PLA2G7: variants seen among roughly 807,000 people sequenced by gnomAD.
PLA2G7 encodes platelet-activating factor acetylhydrolase.
In PLA2G7, 63 loss-of-function variants were observed where a neutral mutation model predicts 49.6. That is an observed-to-expected ratio of 1.27 (90% CI 1.04 to 1.57). The LOEUF (loss-of-function observed/expected upper bound fraction) is 1.57, where lower values mean the gene tolerates loss of function less well. Ranked by LOEUF, PLA2G7 falls within the 40% of genes most tolerant of loss-of-function variation. PLA2G7 has a pLI of 0.00. For synonymous variants in PLA2G7, 193 were observed against 169.9 expected, an observed-to-expected ratio of 1.14 and a Z score of -1.06; for missense variants, 596 against 521.2, an observed-to-expected ratio of 1.14 and a Z score of -1.40.
chr6:46,707,449 T>C (rs770276096), intron 10 of PLA2G7, among the ~76,000 whole-genome samples: 16 of 152,162 alleles, frequency 1.1e-4, no homozygotes, highest in Non-Finnish European at 1.3e-4. Context: ...TGGGAGGTGA[T>C]TGGATCATGG....
intron 1 of PLA2G7, among the ~76,000 whole-genome samples, chr6:46,730,765 G>A (rs761330496): frequency 6.6e-6 from 1 of 152,292 alleles, no homozygotes; most frequent in Middle Eastern, 3.4e-3. Flanking sequence ...CAAAACGTGA[G>A]TGAAACAAAT....
At chr6:46,707,452 G>T (rs1764864809) in intron 10 of PLA2G7, among the ~76,000 whole-genome samples, 1 of 152,160 alleles carries the variant, frequency 6.6e-6, no homozygotes, top group Non-Finnish European at 1.5e-5. Context: ...GAGGTGATTG[G>T]ATCATGGGAG....
At chr6:46,706,596 G>A (rs1343582861) in intron 10 of PLA2G7, among the ~76,000 whole-genome samples, 1 of 152,216 alleles carries the variant, frequency 6.6e-6, no homozygotes, top group Non-Finnish European at 1.5e-5. Flanking sequence ...TAGTGTCTTT[G>A]TTTTGGCATG....
At position 46,735,183 on chromosome 6, in the gene PLA2G7, G is replaced by A. The variant is rs1445621521; in HGVS notation, c.-38C>T. 1 of 151,542 alleles carries A rather than the reference G, an allele frequency of 6.6e-6. No individual in the cohort carries two copies. Among genetic ancestry groups the A allele is most frequent in the East Asian group, 2.0e-4 (1 of 5,062 alleles). 9.4% of individuals were successfully genotyped at this position (151,542 alleles called of 1,614,324 possible). ...CGCCCCCGGGGCCCCTCCTCACTCAGGCGCGGCGCGGAGCTGCTCGCGGGA... is the reference window on the plus strand; with the variant it reads ...CGCCCCCGGGGCCCCTCCTCACTCAAGCGCGGCGCGGAGCTGCTCGCGGGA... On this transcript the variant is annotated 5_prime_UTR_variant, in exon 1 of 12. Transcript: ENST00000274793.
intron 1 of PLA2G7, among the ~76,000 whole-genome samples, chr6:46,726,946 A>G: frequency 6.6e-6 from 1 of 152,076 alleles, no homozygotes; most frequent in East Asian, 1.9e-4. Context: ...TTCTAAATCA[A>G]TGGGAATGTT....
At chr6:46,723,014 T>A in intron 1 of PLA2G7, 89 bp from the exon 2 acceptor site, 2 of 693,990 alleles carry the variant, frequency 2.9e-6, no homozygotes, top group Admixed American at 4.2e-5. Context: ...GAGGTACTAG[T>A]AACACTTGGA....
Position 46,717,078 on chromosome 6 carries a change from T to A in PLA2G7, c.128A>T (p.Gln43Leu). 6.2e-7 allele frequency: 1 copy of A among 1,613,696 alleles called. No homozygotes were observed. Among genetic ancestry groups the A allele is most frequent in the Non-Finnish European group, 8.5e-7 (1 of 1,179,580 alleles). ...MKSSAWVNKIQVLMAAASFGQ... is the reference protein window; with the variant it reads ...MKSSAWVNKILVLMAAASFGQ... ...AAAGCTTGCAGCAGCCATCAGTACT[T>A]GTATTTTGTTGACCCATGCTGAAAA... Residue 43 changes from glutamine (Q) to leucine (L), a missense_variant, in exon 3 of 12, where the codon CAA (glutamine) becomes CTA (leucine). Physicochemically the swap from Gln to Leu is moderately radical, Grantham distance 113. Transcript: ENST00000274793.
In PLA2G7 at chr6:46,704,656, TTCAA is replaced by T. The variant is rs781720652; in HGVS notation, c.1226_1229del (p.Ile409LysfsTer28). 16 of 1,578,144 alleles carry T rather than the reference TTCAA, an allele frequency of 1.0e-5. No individual in the cohort carries two copies. The highest frequency in any genetic ancestry group is 6.7e-5 in the East Asian group (3 of 44,672). Reference sequence around the variant, plus strand: ...CTGGAATAAGATTCTCATCATCTCCTTCAATCAAGCAGTCCCACTGATCAAAATC... The same window carrying T: ...CTGGAATAAGATTCTCATCATCTCCTTCAAGCAGTCCCACTGATCAAAATC... On this transcript the variant is annotated frameshift_variant, in exon 12 of 12. Transcript: ENST00000274793. LOFTEE classifies it low-confidence loss of function (END_TRUNC).
intron 1 of PLA2G7, 60 bp downstream of exon 1, chr6:46,735,120 C>T (rs1314651086): frequency 6.6e-6 from 1 of 151,950 alleles, no homozygotes; most frequent in East Asian, 2.0e-4. Context: ...GTCCCGACCT[C>T]CAGCGCGGCG....
chr6:46,727,186 T>C (rs534163051), intron 1 of PLA2G7, among the ~76,000 whole-genome samples: 6 of 152,322 alleles, frequency 3.9e-5, no homozygotes, highest in African/African-American at 1.4e-4. Flanking sequence ...AGATCTCAGT[T>C]GTAGTCTCCA....
chr6:46,714,308 C>T, intron 5 of PLA2G7, 152 bp downstream of exon 5: 3 of 725,432 alleles, frequency 4.1e-6, no homozygotes, highest in Non-Finnish European at 5.0e-6. Context: ...AGGTCTAGGA[C>T]TGATCAATAG....
At chr6:46,724,306 G>GT (rs1765502392) in intron 1 of PLA2G7, among the ~76,000 whole-genome samples, 2 of 152,104 alleles carry the variant, frequency 1.3e-5, no homozygotes, top group East Asian at 1.9e-4. Context: ...ATTTTTGATG[G>GT]TTTTTCCCCC....
chr6:46,726,743 GTGATTCTCCTGCCTCAGCCTTC>G (rs1041130978), intron 1 of PLA2G7, among the ~76,000 whole-genome samples: 5 of 152,002 alleles, frequency 3.3e-5, no homozygotes, highest in Non-Finnish European at 5.9e-5. Flanking sequence ...CCAGGTTCAA[GTGATTCTCCTGCCTCAGCCTTC>G]TGAGTAGCTG....
At chr6:46,724,474 T>G (rs1393221437) in intron 1 of PLA2G7, among the ~76,000 whole-genome samples, 1 of 152,220 alleles carries the variant, frequency 6.6e-6, no homozygotes, top group Non-Finnish European at 1.5e-5. Flanking sequence ...CTCGTTAGTA[T>G]AGCTATTTTG....
intron 4 of PLA2G7, among the ~76,000 whole-genome samples, chr6:46,715,490 A>G (rs942151436): frequency 6.6e-6 from 1 of 152,196 alleles, no homozygotes; most frequent in African/African-American, 2.4e-5. Flanking sequence ...CAGTGGTGCA[A>G]TCCATCACAT....
intron 1 of PLA2G7, among the ~76,000 whole-genome samples, chr6:46,730,747 C>T (rs1354422849): frequency 6.6e-6 from 1 of 152,162 alleles, no homozygotes; most frequent in Non-Finnish European, 1.5e-5. Context: ...GCAACTAATT[C>T]AACCTTTCAA....
At chr6:46,731,996 A>G (rs1293565123) in intron 1 of PLA2G7, among the ~76,000 whole-genome samples, 2 of 152,122 alleles carry the variant, frequency 1.3e-5, no homozygotes, top group African/African-American at 4.8e-5. Flanking sequence ...ACCCAGAGTC[A>G]TCTCTTTATA....
intron 1 of PLA2G7, among the ~76,000 whole-genome samples, chr6:46,732,766 G>T (rs987732586): frequency 2.0e-5 from 3 of 152,144 alleles, no homozygotes; most frequent in Non-Finnish European, 4.4e-5. Context: ...TGAGCAAAAT[G>T]ACAGTGAGGG....
rs780575217 is a variant in PLA2G7, at chr6:46,712,346, CA to C, written c.471-10del. On this transcript the variant is annotated splice_polypyrimidine_tract_variant and intron_variant, in intron 5 of 11. Coordinates refer to ENST00000274793, the MANE Select transcript of PLA2G7 (RefSeq NM_005084.4). ...TAGCAGAATAAAGTGTCCTTCAAAACAAAAAGAGGGAAGAATTACAACTACC... is the reference window on the plus strand; with the variant it reads ...TAGCAGAATAAAGTGTCCTTCAAAACAAAAGAGGGAAGAATTACAACTACC... 1.9e-6 allele frequency: 3 copies of C among 1,603,052 alleles called. No individual in the cohort carries two copies. The African/African-American group carries it at 4.0e-5, about 21-fold the overall frequency.
Sources: gnomAD v4.1 joint callset for allele counts (sites outside exome capture counted in the v4.1 genomes callset) on GRCh38, gnomAD v4.1.1 for gene constraint, MANE v1.5 for transcripts, NCBI Gene and HGNC (gene_info 2026-07-23, HGNC 2026-07-21) for gene names.